Variants in RARB observed in about 807,000 individuals in gnomAD.
RARB encodes retinoic acid receptor beta.
A neutral mutation model predicts 51.9 loss-of-function variants in RARB; 17 were observed. The observed-to-expected ratio is 0.33, with a 90% CI of 0.22 to 0.49. RARB has a LOEUF of 0.49. Ranked by LOEUF, RARB falls within the 20% of genes least tolerant of loss-of-function variation. The pLI is 0.99. For synonymous variants in RARB, 215 were observed against 195.4 expected (o/e 1.10, Z -0.84); for missense variants, 369 against 550.8 (o/e 0.67, Z 3.30).
intron 1 of RARB, among the ~76,000 whole-genome samples, chr3:24,838,927 G>GTTTTTTT (rs71295101): frequency 1.4e-5 from 2 of 146,194 alleles, no homozygotes. Flanking sequence ...AAATCTCCAG[G>GTTTTTTT]TTTTTTTTTT....
intron 2 of RARB, among the ~76,000 whole-genome samples, chr3:24,974,547 G>A (rs1172535012): frequency 1.3e-5 from 2 of 152,004 alleles, no homozygotes; most frequent in Non-Finnish European, 2.9e-5. Context: ...AAAAGGTGAA[G>A]CAAATCTCTT....
chr3:25,153,742 G>C (rs1700330896), intron 4 of RARB, among the ~76,000 whole-genome samples: 1 of 152,078 alleles, frequency 6.6e-6, no homozygotes. Flanking sequence ...CAAAGTGCTG[G>C]GATTATAGGC....
intron 2 of RARB, among the ~76,000 whole-genome samples, chr3:24,910,692 A>G (rs943820038): frequency 6.6e-6 from 1 of 151,890 alleles, no homozygotes; most frequent in African/African-American, 2.4e-5. Context: ...TCAACCCTAT[A>G]TTTTTCAATG....
intron 2 of RARB, among the ~76,000 whole-genome samples, chr3:24,931,969 C>T (rs1328041777): frequency 6.6e-6 from 1 of 152,066 alleles, no homozygotes; most frequent in African/African-American, 2.4e-5. Context: ...CTTACATCTC[C>T]TTCCACAAAA....
intron 2 of RARB, among the ~76,000 whole-genome samples, chr3:24,939,127 C>CGT (rs1695606157): frequency 6.6e-6 from 1 of 151,804 alleles, no homozygotes; most frequent in African/African-American, 2.4e-5. Flanking sequence ...GGATTACAGG[C>CGT]GTGCACCACG....
chr3:24,935,664 A>AGAC (rs1414906639), intron 2 of RARB, among the ~76,000 whole-genome samples: 6 of 152,200 alleles, frequency 3.9e-5, no homozygotes, highest in African/African-American at 1.4e-4. Flanking sequence ...TGTTAGAGTA[A>AGAC]GACGACTTAT....
intron 2 of RARB, among the ~76,000 whole-genome samples, chr3:25,035,467 A>G (rs1183184779): frequency 4.5e-4 from 62 of 136,874 alleles, no homozygotes; most frequent in Non-Finnish European, 1.4e-4. Context: ...TAGCTATTCC[A>G]TCATGTGGAT....
At chr3:24,889,569 ATAACAAACATT>A (rs761806234) in intron 2 of RARB, among the ~76,000 whole-genome samples, 4 of 152,156 alleles carry the variant, frequency 2.6e-5, no homozygotes, top group Non-Finnish European at 4.4e-5. Context: ...TGGAATCTTC[ATAACAAACATT>A]TGCTTGGAAA....
intron 3 of RARB, among the ~76,000 whole-genome samples, chr3:25,113,859 C>T (rs999262358): frequency 6.6e-6 from 1 of 152,076 alleles, no homozygotes; most frequent in African/African-American, 2.4e-5. Context: ...ATTGCCAACA[C>T]TCTTCCTCAG....
At chr3:25,058,661 T>A (rs939926269) in intron 2 of RARB, among the ~76,000 whole-genome samples, 1 of 151,798 alleles carries the variant, frequency 6.6e-6, no homozygotes, top group Non-Finnish European at 1.5e-5. Context: ...ATGATCTAAT[T>A]GTATTATTTT....
intron 5 of RARB, among the ~76,000 whole-genome samples, chr3:25,182,993 C>G (rs1265888449): frequency 1.3e-5 from 2 of 152,058 alleles, no homozygotes; most frequent in Non-Finnish European, 2.9e-5. Context: ...ACATTCCCCC[C>G]ACAGCTCTTA....
At chr3:24,852,632 T>C (rs369219347) in intron 1 of RARB, among the ~76,000 whole-genome samples, 83 of 152,252 alleles carry the variant, frequency 5.5e-4, no homozygotes, top group African/African-American at 1.8e-3. Context: ...AATAAACAAA[T>C]TGTGATATAT....
intron 1 of RARB, among the ~76,000 whole-genome samples, chr3:25,453,495 C>T (rs927289601): frequency 6.6e-6 from 1 of 151,896 alleles, no homozygotes; most frequent in Admixed American, 6.6e-5. Context: ...GATCTTCCCA[C>T]CTTGGATTAA....
At chr3:25,229,686 T>TCCACAC (rs1702132752) in intron 5 of RARB, among the ~76,000 whole-genome samples, 1 of 146,608 alleles carries the variant, frequency 6.8e-6, no homozygotes, top group African/African-American at 2.5e-5. Context: ...AACAGACATC[T>TCCACAC]CCCCACCCCC....
At chr3:25,381,839 C>G (rs1378619196) in intron 5 of RARB, among the ~76,000 whole-genome samples, 3 of 152,110 alleles carry the variant, frequency 2.0e-5, no homozygotes, top group Non-Finnish European at 4.4e-5. Context: ...TTTAACAAAC[C>G]CTTCAAGTGA....
At chr3:25,306,783 A>G (rs989159375) in intron 5 of RARB, among the ~76,000 whole-genome samples, 1 of 152,250 alleles carries the variant, frequency 6.6e-6, no homozygotes, top group African/African-American at 2.4e-5. Context: ...GCATACCATT[A>G]TAATAATGCC....
rs190552579 is a variant in RARB, at chr3:24,925,460, C to T, written c.-380+66708C>T. Among the ~76,000 whole-genome samples the T allele has an allele frequency of 5.6e-3, 853 of 151,738 alleles. 4 individuals are homozygous for T. Among genetic ancestry groups the T allele is most frequent in the Middle Eastern group, 0.024 (7 of 294 alleles). The stretch of plus-strand genomic sequence containing the variant: ...GAATTTGAGACCAGCCTGGGAAATA[C>T]GGCAAAACCCTGTCTCTACAATAAA... On this transcript the variant is annotated intron_variant, in intron 2 of 11. Coordinates refer to the RARB transcript ENST00000383772.
intron 5 of RARB, among the ~76,000 whole-genome samples, chr3:25,344,570 A>G (rs1206795318): frequency 1.3e-5 from 2 of 152,222 alleles, no homozygotes; most frequent in African/African-American, 4.8e-5. Context: ...TTAAAGCACA[A>G]AAAGACAAAC....
intron 2 of RARB, among the ~76,000 whole-genome samples, chr3:25,013,946 C>T (rs1265867306): frequency 1.3e-5 from 2 of 152,070 alleles, no homozygotes; most frequent in Admixed American, 6.6e-5. Flanking sequence ...TAGCTTCAGG[C>T]ATGTTTGGAT....
Sources: gnomAD v4.1 joint callset for allele counts (sites outside exome capture counted in the v4.1 genomes callset) on GRCh38, gnomAD v4.1.1 for gene constraint, MANE v1.5 for transcripts, NCBI Gene and HGNC (gene_info 2026-07-23, HGNC 2026-07-21) for gene names.